SIPA1L3: variants seen among roughly 807,000 people sequenced by gnomAD.
SIPA1L3 encodes the protein signal-induced proliferation-associated 1-like protein 3.
A neutral mutation model predicts 150.1 loss-of-function variants in SIPA1L3; 59 were observed. The observed-to-expected ratio is 0.39, with a 90% CI of 0.32 to 0.49. SIPA1L3 has a LOEUF of 0.49. Ranked by LOEUF, SIPA1L3 falls within the 20% of genes least tolerant of loss-of-function variation. The probability of loss-of-function intolerance (pLI) is 0.86; values close to 1 mark genes in which losing one functional copy is unlikely to be tolerated. For missense variants in SIPA1L3, 2,211 were observed against 2,489.5 expected (o/e 0.89, Z 2.38); for synonymous variants, 1,070 against 1,077.6 (o/e 0.99, Z 0.14).
chr19:37,915,295 C>G (rs995448560), intron 1 of SIPA1L3, among the ~76,000 whole-genome samples: 2 of 152,084 alleles, frequency 1.3e-5, no homozygotes, highest in African/African-American at 4.8e-5. Flanking sequence ...AGTGTAGTGT[C>G]CAAGGAGAGG....
chr19:37,918,907 T>TAAAC (rs2046435190), intron 1 of SIPA1L3, among the ~76,000 whole-genome samples: 1 of 149,948 alleles, frequency 6.7e-6, no homozygotes, highest in African/African-American at 2.5e-5. Flanking sequence ...AATAAATAAA[T>TAAAC]AAATAAATAA....
intron 7 of SIPA1L3, among the ~76,000 whole-genome samples, chr19:38,106,862 C>A (rs1970634265): frequency 2.0e-5 from 3 of 152,248 alleles, no homozygotes; most frequent in Admixed American, 2.0e-4. Context: ...CCCTGCCCAG[C>A]CCCAGCTAGC....
chr19:37,998,979 TCACACACA>T lies in SIPA1L3; in HGVS notation c.-378-30084_-378-30077del, dbSNP rs35998048. On this transcript the variant is annotated intron_variant, in intron 1 of 21. Transcript: ENST00000222345. ...ACAGAACAAAAACCAGCCCTATCTA[TCACACACA>T]CACACACACACACACACACACACAC... is the stretch of plus-strand genomic sequence containing the variant. 5.8e-3 allele frequency among the ~76,000 whole-genome samples: 853 copies of T among 146,002 alleles called. 1 individual carries two copies. Among genetic ancestry groups the T allele is most frequent in the Middle Eastern group, 6.8e-3 (2 of 292 alleles).
Position 38,035,750 on chromosome 19 carries a change from CGGTGGTGGA to C in SIPA1L3, c.-311+6602_-311+6610del, listed in dbSNP as rs563279173. 1.1e-3 allele frequency among the ~76,000 whole-genome samples: 165 copies of C among 151,658 alleles called. 1 individual carries two copies. Among genetic ancestry groups the C allele is most frequent in the Admixed American group, 9.7e-3 (147 of 15,228 alleles). Reference sequence around the variant, plus strand: ...GATGATGATGAGATGATGGTGGTGGCGGTGGTGGAGGTGGTGATGATGATAATGAGGAGG... The same window carrying C: ...GATGATGATGAGATGATGGTGGTGGCGGTGGTGATGATGATAATGAGGAGG... On this transcript the variant is annotated intron_variant, in intron 2 of 21. Transcript: ENST00000222345.
chr19:37,948,475 GAA>G (rs879547679), intron 1 of SIPA1L3, among the ~76,000 whole-genome samples: 1 of 130,898 alleles, frequency 7.6e-6, no homozygotes, highest in Non-Finnish European at 1.7e-5. Context: ...TTAAAAAAAA[GAA>G]AAAAAAAAAA....
intron 2 of SIPA1L3, among the ~76,000 whole-genome samples, chr19:38,070,385 C>T (rs969620977): frequency 6.6e-6 from 1 of 152,124 alleles, no homozygotes; most frequent in African/African-American, 2.4e-5. Flanking sequence ...ATTTTATGAC[C>T]TTTACAATGC....
chr19:38,127,626 G>A (rs971490221), intron 9 of SIPA1L3, among the ~76,000 whole-genome samples: 2 of 151,912 alleles, frequency 1.3e-5, no homozygotes, highest in Non-Finnish European at 2.9e-5. Flanking sequence ...AAGTAGCTGG[G>A]ACTGCAAGCG....
intron 18 of SIPA1L3, among the ~76,000 whole-genome samples, chr19:38,194,296 A>G (rs1046310747): frequency 1.3e-5 from 2 of 152,118 alleles, no homozygotes; most frequent in African/African-American, 4.8e-5. Flanking sequence ...CACCACCCGC[A>G]TCAAAAGCCA....
chr19:38,081,988 C>A lies in SIPA1L3; in HGVS notation c.423C>A (p.Leu141=), dbSNP rs1270084784. 1.9e-6 allele frequency: 3 copies of A among 1,614,216 alleles called. No homozygotes were observed. Among genetic ancestry groups the A allele is most frequent in the Non-Finnish European group, 2.5e-6 (3 of 1,180,016 alleles). ...CAGGGTCCAAAGCCTTCCACCGACT[C>A]TCCAGGAGAAGGTCCAAAGACGTGG... ...ASSGSKAFHR[L]SRRRSKDVEF... Residue 141 remains leucine (L), a synonymous_variant, in exon 3 of 22, where the codon CTC becomes CTA. Coordinates refer to ENST00000222345, the MANE Select transcript of SIPA1L3 (RefSeq NM_015073.3).
intron 2 of SIPA1L3, among the ~76,000 whole-genome samples, chr19:38,065,960 T>A (rs1345558300): frequency 7.0e-6 from 1 of 143,446 alleles, no homozygotes; most frequent in Non-Finnish European, 1.5e-5. Context: ...TGAGGCAACG[T>A]CTTGCTCTGT....
At chr19:38,122,700 T>C (rs547372994) in intron 9 of SIPA1L3, among the ~76,000 whole-genome samples, 1 of 152,298 alleles carries the variant, frequency 6.6e-6, no homozygotes, top group South Asian at 2.1e-4. Context: ...CTCATGTCAC[T>C]GTTGCGCTCT....
At chr19:38,192,983 C>T (rs774265035) in intron 17 of SIPA1L3, among the ~76,000 whole-genome samples, 1 of 152,082 alleles carries the variant, frequency 6.6e-6, no homozygotes, top group Non-Finnish European at 1.5e-5. Context: ...CAGCCTTACC[C>T]GGAGCTGGAG....
At chr19:38,118,289 G>A (rs536513286) in intron 8 of SIPA1L3, among the ~76,000 whole-genome samples, 1 of 152,092 alleles carries the variant, frequency 6.6e-6, no homozygotes, top group African/African-American at 2.4e-5. Context: ...CCCAGGCGTG[G>A]TGGTGGGCGC....
intron 2 of SIPA1L3, among the ~76,000 whole-genome samples, chr19:38,031,931 CAG>C (rs764229852): frequency 6.6e-6 from 1 of 152,186 alleles, no homozygotes; most frequent in Non-Finnish European, 1.5e-5. Flanking sequence ...GTGTGGGTGA[CAG>C]AGCAAGAGCC....
intron 10 of SIPA1L3, among the ~76,000 whole-genome samples, chr19:38,133,162 G>A (rs1971352096): frequency 6.6e-6 from 1 of 152,116 alleles, no homozygotes; most frequent in Admixed American, 6.5e-5. Context: ...CTGTGAGAAG[G>A]CACTGCGTGC....
chr19:37,930,068 A>G (rs2046539905), intron 1 of SIPA1L3, among the ~76,000 whole-genome samples: 1 of 139,004 alleles, frequency 7.2e-6, no homozygotes, highest in Non-Finnish European at 1.5e-5. Context: ...TCTGTTTCCC[A>G]GGCTGGAGTG....
At chr19:37,929,350 G>GTA (rs1365874850) in intron 1 of SIPA1L3, among the ~76,000 whole-genome samples, 1 of 152,222 alleles carries the variant, frequency 6.6e-6, no homozygotes, top group Non-Finnish European at 1.5e-5. Flanking sequence ...GCAGAAATAA[G>GTA]TGGAACACAG....
chr19:37,926,282 C>A (rs1008323902), intron 1 of SIPA1L3, among the ~76,000 whole-genome samples: 3 of 152,154 alleles, frequency 2.0e-5, no homozygotes, highest in Admixed American at 6.5e-5. Context: ...GCGTGAAAAC[C>A]CCTGCCCTAC....
chr19:38,162,558 C>T (rs1361899370), intron 14 of SIPA1L3, among the ~76,000 whole-genome samples, 187 bp downstream of exon 14: 1 of 152,242 alleles, frequency 6.6e-6, no homozygotes, highest in Non-Finnish European at 1.5e-5. Context: ...GCCAGGTCAT[C>T]TAGGGCAAAT....
Sources: allele counts gnomAD v4.1 joint callset (sites outside exome capture counted in the v4.1 genomes callset), GRCh38; gene constraint gnomAD v4.1.1; transcripts MANE v1.5; gene names NCBI Gene and HGNC (gene_info 2026-07-23, HGNC 2026-07-21).